Variants in CEP63 observed in about 807,000 individuals in gnomAD.
The protein encoded by CEP63 is centrosomal protein of 63 kDa.
A neutral mutation model predicts 89.1 loss-of-function variants in CEP63; 84 were observed. The ratio of observed to expected loss-of-function variants is 0.94; its 90% CI spans 0.79 to 1.13. The LOEUF (loss-of-function observed/expected upper bound fraction) is 1.13. CEP63 is among the 50% of genes most tolerant of loss of function. CEP63 has a pLI of 0.00. For synonymous variants in CEP63, 267 were observed against 272.5 expected (o/e 0.98, Z 0.20); for missense variants, 838 against 813.3 (o/e 1.03, Z -0.37).
the CEP63 span, among the ~76,000 whole-genome samples, chr3:134,657,869 T>G: frequency 1.3e-5 from 2 of 152,154 alleles, no homozygotes; most frequent in Non-Finnish European, 2.9e-5. Context: ...TTATGATAAT[T>G]GATATATGGT....
the CEP63 span, among the ~76,000 whole-genome samples, chr3:134,721,024 TA>T: frequency 6.6e-6 from 1 of 152,120 alleles, no homozygotes; most frequent in Non-Finnish European, 1.5e-5. Flanking sequence ...GGGATTTTGA[TA>T]GGTATTGCAT....
rs1201719098 is a variant in CEP63, at chr3:134,507,289, A to G, written c.222+3A>G. 3 of 1,602,814 alleles carry G rather than the reference A, an allele frequency of 1.9e-6. No homozygotes were observed. Among genetic ancestry groups the G allele is most frequent in the East Asian group, 2.2e-5 (1 of 44,678 alleles). On this transcript the variant is annotated splice_donor_region_variant and intron_variant, in intron 3 of 14. Coordinates refer to ENST00000675561, the MANE Select transcript of CEP63 (RefSeq NM_001353108.3). Reference sequence around the variant, plus strand: ...AGTTGGATGTGACACATAAGGAGGTAAAGCAATTTATTTGTTCTTCTTTTT... The same window carrying G: ...AGTTGGATGTGACACATAAGGAGGTGAAGCAATTTATTTGTTCTTCTTTTT...
chr3:134,746,570 C>T, the CEP63 span, among the ~76,000 whole-genome samples: 1 of 152,202 alleles, frequency 6.6e-6, no homozygotes, highest in East Asian at 1.9e-4. Flanking sequence ...TCTCCACATC[C>T]TCTCTAGCAT....
rs1389459102 is a variant in CEP63, at chr3:134,550,115, G to A, written c.1235G>A (p.Gly412Glu). ...GEQSYSSALE[G>E]MKMEISHLTQ... is the part of the protein sequence containing the mutation. ...CAAAGTTACAGTTCTGCACTAGAAGGAATGAAGATGGAAATCTCCCATCTA... is the reference window on the plus strand; with the variant it reads ...CAAAGTTACAGTTCTGCACTAGAAGAAATGAAGATGGAAATCTCCCATCTA... The change falls in exon 11 of 15, where the codon GGA (glycine) becomes GAA (glutamate). Residue 412 changes from glycine to glutamate, a missense_variant. Transcript: ENST00000675561. 3 of 1,613,480 alleles carry A rather than the reference G, an allele frequency of 1.9e-6. No individual in the cohort carries two copies. Among genetic ancestry groups the A allele is most frequent in the Non-Finnish European group, 2.5e-6 (3 of 1,179,704 alleles).
the CEP63 span, among the ~76,000 whole-genome samples, chr3:134,743,619 A>T: frequency 6.6e-6 from 1 of 152,170 alleles, no homozygotes; most frequent in Non-Finnish European, 1.5e-5. Context: ...AGGGGTTCAC[A>T]TCCCATCTGG....
chr3:134,548,622 T>G (rs1267617976), intron 9 of CEP63, among the ~76,000 whole-genome samples: 2 of 152,210 alleles, frequency 1.3e-5, no homozygotes, highest in African/African-American at 4.8e-5. Context: ...AAGAGAAATA[T>G]CATTTTACAC....
rs184249843 is a variant in CEP63 at position 134,550,425 on chromosome 3, G to A, written c.1380+165G>A. ...AAGAGTTTAGTGAGCATGGTGGGGA[G>A]GTGAGAGTAGACACAGACAAGTAAA... On this transcript the variant is annotated intron_variant, in intron 11 of 14. Transcript: ENST00000675561. Among the ~76,000 whole-genome samples the A allele has an allele frequency of 1.1e-4, 16 of 152,298 alleles. No homozygotes were observed. In the East Asian group the frequency reaches 3.1e-3, roughly 29 times the overall value.
At chr3:134,727,331 G>T in the CEP63 span, among the ~76,000 whole-genome samples, 1 of 152,186 alleles carries the variant, frequency 6.6e-6, no homozygotes, top group African/African-American at 2.4e-5. Flanking sequence ...TGAATTATAA[G>T]TTTGATTAAA....
At chr3:134,741,827 T>A in the CEP63 span, among the ~76,000 whole-genome samples, 1 of 152,252 alleles carries the variant, frequency 6.6e-6, no homozygotes, top group Admixed American at 6.5e-5. Context: ...TGCAGTGTAC[T>A]CCTTAGACTC....
At chr3:134,665,211 A>G in the CEP63 span, among the ~76,000 whole-genome samples, 1 of 152,286 alleles carries the variant, frequency 6.6e-6, no homozygotes, top group African/African-American at 2.4e-5. Flanking sequence ...CACTGCTGTG[A>G]CCACTTCCTC....
At chr3:134,666,954 A>G in the CEP63 span, among the ~76,000 whole-genome samples, 1 of 152,166 alleles carries the variant, frequency 6.6e-6, no homozygotes, top group African/African-American at 2.4e-5. Context: ...CGGAAAGCCC[A>G]TGCTCACTCC....
chr3:134,750,392 G>C, the CEP63 span, among the ~76,000 whole-genome samples: 15,337 of 152,220 alleles, frequency 0.1, 1,132 homozygotes, highest in South Asian at 0.36. Context: ...GCTGCTTCTG[G>C]AACTCTGAGT....
chr3:134,781,637 C>T, the CEP63 span, among the ~76,000 whole-genome samples: 4 of 152,080 alleles, frequency 2.6e-5, no homozygotes, highest in Non-Finnish European at 5.9e-5. Context: ...ACTCCTGGAA[C>T]CTAAAGTAAA....
chr3:134,544,647 A>G (rs868096442), intron 6 of CEP63, among the ~76,000 whole-genome samples: 9 of 141,338 alleles, frequency 6.4e-5, no homozygotes, highest in Admixed American at 3.6e-4. Flanking sequence ...GGGGGGGGGA[A>G]TTTAAACTAC....
the CEP63 span, among the ~76,000 whole-genome samples, chr3:134,654,011 A>T: frequency 6.6e-6 from 1 of 152,242 alleles, no homozygotes; most frequent in Non-Finnish European, 1.5e-5. Context: ...TTCTTGAGCA[A>T]AACTTTATTT....
In CEP63 at chr3:134,545,729, G is replaced by A; in HGVS notation, c.699G>A (p.Arg233=). ...NELEIERLTM[R]VNDLVGTSMT... The stretch of plus-strand genomic sequence containing the variant: ...TGGAAATAGAGCGCCTCACCATGAG[G>A]GTCAATGACTTGGTTGGAACCAGTA... The change falls in exon 7 of 15, where the codon AGG becomes AGA. Residue 233 remains arginine, a synonymous_variant. Transcript: ENST00000675561. The A allele has an allele frequency of 6.2e-7, 1 of 1,614,072 alleles. No homozygotes were observed. Among genetic ancestry groups the A allele is most frequent in the South Asian group, 1.1e-5 (1 of 91,076 alleles).
chr3:134,682,230 A>G, the CEP63 span, among the ~76,000 whole-genome samples: 3 of 152,202 alleles, frequency 2.0e-5, no homozygotes, highest in Non-Finnish European at 4.4e-5. Context: ...TAGTTCCTAA[A>G]GCCTGTTACT....
At chr3:134,739,876 A>G in the CEP63 span, among the ~76,000 whole-genome samples, 1 of 152,196 alleles carries the variant, frequency 6.6e-6, no homozygotes, top group South Asian at 2.1e-4. Context: ...GTGTTTTTCA[A>G]CAACGTGTTT....
chr3:134,765,404 A>G, the CEP63 span, among the ~76,000 whole-genome samples: 1 of 152,226 alleles, frequency 6.6e-6, no homozygotes, highest in Non-Finnish European at 1.5e-5. Context: ...CAACAGACCA[A>G]GAGGCACCCC....
Sources: gnomAD v4.1 joint callset for allele counts (sites outside exome capture counted in the v4.1 genomes callset) on GRCh38, gnomAD v4.1.1 for gene constraint, MANE v1.5 for transcripts, NCBI Gene and HGNC (gene_info 2026-07-23, HGNC 2026-07-21) for gene names.